Variants in ACTR8 observed in about 807,000 individuals in gnomAD.
ACTR8 encodes the protein actin-related protein 8.
ACTR8 carries 70 observed loss-of-function variants against 84.3 expected under a neutral mutation model. The ratio of observed to expected loss-of-function variants is 0.83; its 90% CI spans 0.68 to 1.01. The LOEUF (loss-of-function observed/expected upper bound fraction) is 1.01, where lower values mean the gene tolerates loss of function less well. Ranked by LOEUF, ACTR8 falls within the 50% of genes least tolerant of loss-of-function variation. The probability of loss-of-function intolerance (pLI) is 0.00; values close to 1 mark genes in which losing one functional copy is unlikely to be tolerated. For missense variants in ACTR8, 672 were observed against 775.4 expected, an observed-to-expected ratio of 0.87 and a Z score of 1.58; for synonymous variants, 268 against 275.2, an observed-to-expected ratio of 0.97 and a Z score of 0.26.
At chr3:53,876,199 A>G (rs1022635336) in intron 6 of ACTR8, 119 bp from the exon 7 acceptor site, 26 of 1,240,658 alleles carry the variant, frequency 2.1e-5, no homozygotes, top group Non-Finnish European at 2.9e-5. Context: ...TCTGAGGAAC[A>G]CTGATCCTTT....
In ACTR8 at chr3:53,881,826, A is replaced by G. The variant is rs1006115389; in HGVS notation, c.123+153T>C. The G allele has an allele frequency of 1.7e-5, 22 of 1,297,002 alleles. No individual in the cohort carries two copies. In the African/African-American group the frequency reaches 2.1e-4, roughly 12 times the overall value. The allele number at this position is 1,297,002 out of a possible 1,614,324, so 80.3% of individuals were successfully genotyped here. ...CCAGCCCTCGGCGTCCCGGCGCGCC[A>G]CCACCCGGAAAAGAACGACCGCTTC... On this transcript the variant is annotated intron_variant, in intron 1 of 12. Coordinates refer to ENST00000335754, the MANE Select transcript of ACTR8 (RefSeq NM_022899.5).
downstream of ACTR8, chr3:53,864,845 G>C (rs749776929): frequency 2.5e-6 from 4 of 1,614,154 alleles, no homozygotes; most frequent in Admixed American, 6.7e-5. Context: ...CACACAATTT[G>C]TTACTTCACT....
rs199906479 is a variant in ACTR8, at chr3:53,868,711, C to G, written c.*8G>C. 1.1e-4 allele frequency: 182 copies of G among 1,612,916 alleles called. 1 individual carries two copies. Among genetic ancestry groups the G allele is most frequent in the Non-Finnish European group, 3.4e-5 (40 of 1,179,586 alleles). On this transcript the variant is annotated 3_prime_UTR_variant, in exon 13 of 13. Transcript: ENST00000335754. ...TTTTGGTCTTCGGCAGTGACATTTC[C>G]TCCCCATTCACCACACAAACGCAGC...
At chr3:53,872,273 T>C in intron 10 of ACTR8, 111 bp downstream of exon 10, 1 of 1,184,080 alleles carries the variant, frequency 8.4e-7, no homozygotes, top group Non-Finnish European at 1.1e-6. Context: ...AAAAGCTATA[T>C]CAGTGTTATT....
chr3:53,881,004 C>A (rs1004604660), intron 1 of ACTR8, among the ~76,000 whole-genome samples: 8 of 152,224 alleles, frequency 5.3e-5, no homozygotes, highest in Admixed American at 4.6e-4. Flanking sequence ...AATCACCCCC[C>A]ACAGAGTGGG....
chr3:53,880,413 T>C (rs1260110524), intron 1 of ACTR8, among the ~76,000 whole-genome samples: 1 of 152,232 alleles, frequency 6.6e-6, no homozygotes. Flanking sequence ...TGAAGAAATG[T>C]TGCTATAGAA....
chr3:53,878,259 CCATCTTGTATTTG>C, intron 3 of ACTR8, 85 bp downstream of exon 3: 1 of 933,702 alleles, frequency 1.1e-6, no homozygotes, highest in Non-Finnish European at 1.7e-6. Context: ...TAAGGAACTC[CCATCTTGTATTTG>C]CATAGTGGTA....
downstream of ACTR8, among the ~76,000 whole-genome samples, chr3:53,862,735 A>ATTAGTCAAGACTGCTTT (rs1699609584): frequency 6.6e-6 from 1 of 152,234 alleles, no homozygotes; most frequent in Admixed American, 6.5e-5. Flanking sequence ...CAGGTTTCTG[A>ATTAGTCAAGACTGCTTT]TTAGTCAAGA....
downstream of ACTR8, among the ~76,000 whole-genome samples, chr3:53,862,977 C>T (rs775500206): frequency 1.6e-4 from 24 of 152,306 alleles, no homozygotes; most frequent in Non-Finnish European, 5.9e-5. Context: ...AAGACTAACC[C>T]CTTCCTCCTC....
At chr3:53,859,996 C>G in the ACTR8 span, 1 of 634,928 alleles carries the variant, frequency 1.6e-6, no homozygotes, top group East Asian at 2.9e-5. Context: ...GGCAACAAAG[C>G]GAGACTCTGT....
In ACTR8 at chr3:53,870,115, C is replaced by T. The variant is rs1472456712; in HGVS notation, c.1598G>A (p.Ser533Asn). ...SSDDTKKKMY[S>N]SILVVGGGLM... ...ACCACCTCCCACCACTAGGATGGAG[C>T]TGTACATCTTCTTTTTGGTGTCGTC... The change falls in exon 12 of 13, where the codon AGC (serine) becomes AAC (asparagine). Residue 533 changes from serine to asparagine, a missense_variant. By Grantham distance (46) the Ser-to-Asn change is conservative (BLOSUM62 1). Coordinates refer to ENST00000335754, the MANE Select transcript of ACTR8 (RefSeq NM_022899.5). This position sits in a 1 kb window ranked among gnomAD's most constrained non-coding sequence, Gnocchi z 4.1. 9 of 1,613,952 alleles carry T rather than the reference C, an allele frequency of 5.6e-6. No homozygotes were observed. Among genetic ancestry groups the T allele is most frequent in the Non-Finnish European group, 6.8e-6 (8 of 1,179,926 alleles).
At chr3:53,881,222 T>C (rs1169884145) in intron 1 of ACTR8, among the ~76,000 whole-genome samples, 1 of 152,226 alleles carries the variant, frequency 6.6e-6, no homozygotes, top group African/African-American at 2.4e-5. Flanking sequence ...GTAAGGAAGC[T>C]GGATCAGAGA....
chr3:53,861,025 C>T, the ACTR8 span: 1 of 152,172 alleles, frequency 6.6e-6, no homozygotes, highest in Non-Finnish European at 1.5e-5. Context: ...GAATAATTTC[C>T]TAGCCACCTC....
downstream of ACTR8, chr3:53,865,196 ACCAC>A: frequency 6.2e-7 from 1 of 1,614,112 alleles, no homozygotes; most frequent in Non-Finnish European, 8.5e-7. Flanking sequence ...TGCCCCAAGT[ACCAC>A]CTCATGAAGG....
downstream of ACTR8, among the ~76,000 whole-genome samples, chr3:53,864,548 GT>G (rs1699708116): frequency 6.6e-6 from 1 of 151,792 alleles, no homozygotes; most frequent in African/African-American, 2.4e-5. Flanking sequence ...AAAAAAAAAA[GT>G]TAAGGTTTAA....
Sources: allele counts gnomAD v4.1 joint callset (sites outside exome capture counted in the v4.1 genomes callset), GRCh38; gene constraint gnomAD v4.1.1; non-coding constraint Gnocchi (gnomAD v3.1); transcripts MANE v1.5; gene names NCBI Gene and HGNC (gene_info 2026-07-23, HGNC 2026-07-21).